RNF213: variants seen among roughly 807,000 people sequenced by gnomAD.
The protein encoded by RNF213 is E3 ubiquitin-protein ligase RNF213.
RNF213 carries 341 observed loss-of-function variants against 514.4 expected under a neutral mutation model. The observed-to-expected ratio is 0.66, with a 90% CI of 0.61 to 0.73. The LOEUF is 0.73. RNF213 is among the 30% of genes least tolerant of loss of function. The pLI is 0.00. For synonymous variants in RNF213, 2,655 were observed against 2,658.2 expected, an observed-to-expected ratio of 1.00 and a Z score of 0.04; for missense variants, 5,767 against 6,615.6, an observed-to-expected ratio of 0.87 and a Z score of 4.45.
At chr17:80,321,802 C>T (rs1216256712) in intron 17 of RNF213, among the ~76,000 whole-genome samples, 4 of 152,086 alleles carry the variant, frequency 2.6e-5, no homozygotes, top group Admixed American at 6.6e-5. Flanking sequence ...TGGCTCACTG[C>T]GACACCTCCA....
chr17:80,318,568 T>C (rs1018549190), intron 16 of RNF213, among the ~76,000 whole-genome samples: 8 of 151,846 alleles, frequency 5.3e-5, no homozygotes, highest in Non-Finnish European at 2.9e-5. Context: ...TATGAGAGTT[T>C]TATATGTAAC....
chr17:80,320,937 T>C (rs1408335034), intron 17 of RNF213: 1 of 152,204 alleles, frequency 6.6e-6, no homozygotes, highest in Non-Finnish European at 1.5e-5. Context: ...CAGTGAGCCA[T>C]GATCACACCA....
Position 80,349,756 on chromosome 17 carries a change from T to C in RNF213, c.9952-14T>C. On this transcript the variant is annotated splice_polypyrimidine_tract_variant and intron_variant, in intron 29 of 67. Coordinates refer to ENST00000582970, the MANE Select transcript of RNF213 (RefSeq NM_001256071.3). ...TGAAGTCTGGCAAGTAATTTGCATTTCTTAACTCTGTAGATCACCACTTTC... is the reference window on the plus strand; with the variant it reads ...TGAAGTCTGGCAAGTAATTTGCATTCCTTAACTCTGTAGATCACCACTTTC... 1 of 1,614,046 alleles carries C rather than the reference T, an allele frequency of 6.2e-7. No homozygotes were observed. The highest frequency in any genetic ancestry group is 8.5e-7 in the Non-Finnish European group (1 of 1,179,882).
intron 15 of RNF213, chr17:80,315,871 GTAATGGAGGTGA>G (rs1301344657): frequency 2.2e-5 from 1 of 45,992 alleles, no homozygotes. Context: ...GATGGTGGAG[GTAATGGAGGTGA>G]TGGTGGTGGT....
chr17:80,349,831 C>T lies in RNF213; in HGVS notation c.10013C>T (p.Thr3338Ile), dbSNP rs760432544. The T allele has an allele frequency of 3.1e-6, 5 of 1,614,140 alleles. No individual in the cohort carries two copies. Among genetic ancestry groups the T allele is most frequent in the Admixed American group, 1.7e-5 (1 of 60,012 alleles). Residue 3338 changes from threonine (T) to isoleucine (I), a missense_variant, in exon 30 of 68, where the codon ACA (threonine) becomes ATA (isoleucine). Thr to Ile is a moderately conservative substitution (Grantham distance 89). Around this residue, in one of 13 missense-constraint regions of RNF213, gnomAD observed 919 missense variants for 1,121.0 expected, o/e 0.82. Transcript: ENST00000582970. ...HDCEILESEV[T>I]GRAPKPTLLW... is the part of the protein sequence containing the mutation. ...TGTGAAATTTTAGAATCAGAGGTCACAGGCAGGGCTCCGAAACCCACACTC... is the reference window on the plus strand; with the variant it reads ...TGTGAAATTTTAGAATCAGAGGTCATAGGCAGGGCTCCGAAACCCACACTC...
intron 42 of RNF213, among the ~76,000 whole-genome samples, 169 bp from the exon 43 acceptor site, chr17:80,367,579 C>T (rs966422255): frequency 5.3e-5 from 8 of 152,128 alleles, no homozygotes; most frequent in African/African-American, 1.4e-4. Context: ...AATCACAAAA[C>T]GAGCATTCAG....
rs529113475 is a variant in RNF213, at chr17:80,348,102, C to T, written c.9767C>T (p.Ser3256Leu). 5.8e-5 allele frequency: 93 copies of T among 1,614,134 alleles called. No homozygotes were observed. The East Asian group carries it at 1.7e-3, about 29-fold the overall frequency. ...LHQKVSEEAK[S>L]ILLNCATPDA... is the part of the protein sequence containing the mutation. ...CAGAAGGTGTCTGAGGAGGCCAAATCGATCCTGCTGAACTGCGCTACGCCC... is the reference window on the plus strand; with the variant it reads ...CAGAAGGTGTCTGAGGAGGCCAAATTGATCCTGCTGAACTGCGCTACGCCC... The change falls in exon 29 of 68, where the codon TCG (serine) becomes TTG (leucine). Residue 3256 changes from serine to leucine, a missense_variant. Ser to Leu is a moderately radical substitution (Grantham distance 145). This residue lies in a region of RNF213 where 919 missense variants were observed against 1,121.0 expected (regional missense o/e 0.82). Transcript: ENST00000582970.
intron 8 of RNF213, 110 bp from the exon 9 acceptor site, chr17:80,294,610 C>T (rs2044867400): frequency 2.3e-6 from 3 of 1,330,562 alleles, no homozygotes; most frequent in Non-Finnish European, 3.2e-6. Flanking sequence ...CTTCCTCTGC[C>T]CCATTTACTC....
intron 8 of RNF213, 136 bp from the exon 9 acceptor site, chr17:80,294,584 G>T: frequency 4.6e-6 from 5 of 1,091,272 alleles, no homozygotes; most frequent in South Asian, 2.6e-5. Flanking sequence ...GTGGGTTTTT[G>T]CTTTTCCCTT....
Position 80,306,485 on chromosome 17 carries a change from G to A in RNF213, c.2427+17G>A, listed in dbSNP as rs768002366. ...AATACGCAGGTTTGTGTCTGAAGTC[G>A]GCTCTGGAGTCCTGGCTTAGCAAAA... On this transcript the variant is annotated intron_variant, in intron 12 of 67. Coordinates refer to ENST00000582970, the MANE Select transcript of RNF213 (RefSeq NM_001256071.3). 35 of 1,610,416 alleles carry A rather than the reference G, an allele frequency of 2.2e-5. No homozygotes were observed. Among genetic ancestry groups the A allele is most frequent in the East Asian group, 4.5e-5 (2 of 44,860 alleles).
At chr17:80,285,935 C>G (rs552396155) in intron 3 of RNF213, among the ~76,000 whole-genome samples, 1 of 152,228 alleles carries the variant, frequency 6.6e-6, no homozygotes, top group Admixed American at 6.5e-5. Context: ...CTCGGCCTCC[C>G]AAAGTGCTAG....
rs762586000 is a variant in RNF213, at chr17:80,369,595, G to A, written c.12249G>A (p.Pro4083=). 19 of 1,614,204 alleles carry A rather than the reference G, an allele frequency of 1.2e-5. No individual in the cohort carries two copies. Among genetic ancestry groups the A allele is most frequent in the Middle Eastern group, 1.6e-4 (1 of 6,062 alleles). ...CCATTTGCTTCAAGGACAACGCTCC[G>A]CCTGAGAAGGAAGTGATTGAGAGCC... ...VSTICFKDNA[P]PEKEVIESLL... Residue 4083 remains proline (P), a synonymous_variant, in exon 45 of 68, where the codon CCG becomes CCA. Coordinates refer to ENST00000582970, the MANE Select transcript of RNF213 (RefSeq NM_001256071.3).
chr17:80,381,178 C>A, intron 56 of RNF213, 191 bp downstream of exon 56: 1 of 673,848 alleles, frequency 1.5e-6, no homozygotes, highest in South Asian at 1.7e-5. Context: ...GGGAACTACT[C>A]CCCAGATTAT....
At chr17:80,360,395 G>C in intron 38 of RNF213, 189 bp downstream of exon 38, 1 of 679,796 alleles carries the variant, frequency 1.5e-6, no homozygotes, top group Non-Finnish European at 2.6e-6. Flanking sequence ...CTGAAGGAGT[G>C]AGAGGCCCCG....
In RNF213 at chr17:80,343,436, C is replaced by T; in HGVS notation, c.6183+111C>T. 2 of 975,556 alleles carry T rather than the reference C, an allele frequency of 2.1e-6. No individual in the cohort carries two copies. The highest frequency in any genetic ancestry group is 5.2e-5 in the East Asian group (2 of 38,358). The allele number at this position is 975,556 out of a possible 1,614,324, so 60.4% of individuals were successfully genotyped here. A position where few individuals can be genotyped will look rare whatever the true frequency, so the allele number is the denominator to read the frequency against. ...ATTCCTTGTTTCCACACGCACAGTCCTGTGAAGCTTAACAGTGGGAATGTG... is the reference window on the plus strand; with the variant it reads ...ATTCCTTGTTTCCACACGCACAGTCTTGTGAAGCTTAACAGTGGGAATGTG... On this transcript the variant is annotated intron_variant, in intron 27 of 67. Coordinates refer to ENST00000582970, the MANE Select transcript of RNF213 (RefSeq NM_001256071.3). The surrounding 1 kb of genome is among the most constrained non-coding windows in gnomAD (Gnocchi z 4.3).
intron 40 of RNF213, 28 bp downstream of exon 40, chr17:80,363,342 C>A (rs1666768649): frequency 6.2e-7 from 1 of 1,604,088 alleles, no homozygotes; most frequent in African/African-American, 1.3e-5. Flanking sequence ...CTGCCCTGAG[C>A]AAGCCTTGTG....
chr17:80,317,048 T>G lies in RNF213; in HGVS notation c.2812-140T>G. The G allele has an allele frequency of 1.1e-6, 1 of 941,044 alleles. No homozygotes were observed. Among genetic ancestry groups the G allele is most frequent in the Non-Finnish European group, 1.7e-6 (1 of 595,076 alleles). 58.3% of individuals were successfully genotyped at this position (941,044 alleles called of 1,614,324 possible). On this transcript the variant is annotated intron_variant, in intron 15 of 67. Coordinates refer to ENST00000582970, the MANE Select transcript of RNF213 (RefSeq NM_001256071.3). This position sits in a 1 kb window ranked among gnomAD's most constrained non-coding sequence, Gnocchi z 4.1. The stretch of plus-strand genomic sequence containing the variant: ...GGCCACTAGCATGGCTGACTGTTGA[T>G]GAAGGTTGGGGAGAGCCCTGGTGTT...
At chr17:80,373,230 C>T in intron 49 of RNF213, 65 bp downstream of exon 49, 1 of 1,415,038 alleles carries the variant, frequency 7.1e-7, no homozygotes, top group Non-Finnish European at 9.5e-7. Flanking sequence ...CCCAAACCCA[C>T]ACACCCCCCT....
chr17:80,295,852 TATA>T (rs781566130), intron 10 of RNF213, 39 bp downstream of exon 10: 16 of 1,602,914 alleles, frequency 1.0e-5, no homozygotes, highest in Non-Finnish European at 1.4e-5. Flanking sequence ...TTATAGCTAT[TATA>T]ATGATTTTCT....
Sources: gnomAD v4.1 joint callset for allele counts (sites outside exome capture counted in the v4.1 genomes callset) on GRCh38, gnomAD v4.1.1 for gene constraint, gnomAD v4.1.1 regional missense constraint, Gnocchi (gnomAD v3.1) non-coding constraint, MANE v1.5 for transcripts, NCBI Gene and HGNC (gene_info 2026-07-23, HGNC 2026-07-21) for gene names.